Variants in DAAM2 observed in about 807,000 individuals in gnomAD.
DAAM2 encodes the protein dishevelled associated activator of morphogenesis 2, also known as disheveled-associated activator of morphogenesis 2.
A neutral mutation model predicts 120.7 loss-of-function variants in DAAM2; 39 were observed. That is an observed-to-expected ratio of 0.32 (90% CI 0.25 to 0.42). DAAM2 has a LOEUF of 0.42. DAAM2 is among the 10% of genes least tolerant of loss of function. The probability of loss-of-function intolerance (pLI) is 1.00; values close to 1 mark genes in which losing one functional copy is unlikely to be tolerated. For synonymous variants in DAAM2, 488 were observed against 524.9 expected, an observed-to-expected ratio of 0.93 and a Z score of 0.96; for missense variants, 1,283 against 1,401.7, an observed-to-expected ratio of 0.92 and a Z score of 1.35.
chr6:39,858,027 T>C (rs1764074723), intron 2 of DAAM2, among the ~76,000 whole-genome samples: 1 of 151,870 alleles, frequency 6.6e-6, no homozygotes, highest in Non-Finnish European at 1.5e-5. Flanking sequence ...GTGGCCTCTG[T>C]GAGCAGTGAC....
chr6:39,874,257 A>G (rs1242915819), intron 10 of DAAM2, among the ~76,000 whole-genome samples: 2 of 152,238 alleles, frequency 1.3e-5, no homozygotes, highest in East Asian at 1.9e-4. Context: ...GGGTTGAGAT[A>G]AAACATGTTC....
At chr6:39,840,048 G>GA (rs1395527358) in intron 1 of DAAM2, among the ~76,000 whole-genome samples, 1 of 152,122 alleles carries the variant, frequency 6.6e-6, no homozygotes, top group Non-Finnish European at 1.5e-5. Flanking sequence ...GCAACATGGT[G>GA]AAACCCTGTC....
Position 39,902,218 on chromosome 6 carries a change from CTCT to C in DAAM2, c.*183_*185del. On this transcript the variant is annotated 3_prime_UTR_variant, in exon 25 of 25. Transcript: ENST00000274867. ...TCCCCACGCTTACCTTAAGGGGCTCCTCTTATCTCCCCTTCACATGATTCCTTC... is the reference window on the plus strand; with the variant it reads ...TCCCCACGCTTACCTTAAGGGGCTCCTATCTCCCCTTCACATGATTCCTTC... 1 of 478,886 alleles carries C rather than the reference CTCT, an allele frequency of 2.1e-6. No homozygotes were observed. Among genetic ancestry groups the C allele is most frequent in the Non-Finnish European group, 3.7e-6 (1 of 273,764 alleles). 29.7% of individuals were successfully genotyped at this position (478,886 alleles called of 1,614,324 possible).
chr6:39,839,676 C>T (rs1763247132), intron 1 of DAAM2, among the ~76,000 whole-genome samples: 1 of 152,202 alleles, frequency 6.6e-6, no homozygotes, highest in Admixed American at 6.5e-5. Context: ...AAGCTTAGAG[C>T]ATGTGCAGGC....
intron 1 of DAAM2, among the ~76,000 whole-genome samples, chr6:39,805,981 A>G (rs1761999498): frequency 6.6e-6 from 1 of 152,176 alleles, no homozygotes; most frequent in Non-Finnish European, 1.5e-5. Flanking sequence ...CATAAATCAA[A>G]TGCCTCCTGA....
chr6:39,892,034 ACAACAGTG>A (rs1295871601), intron 19 of DAAM2, among the ~76,000 whole-genome samples: 3 of 152,194 alleles, frequency 2.0e-5, no homozygotes, highest in Non-Finnish European at 2.9e-5. Context: ...AGCCACACCT[ACAACAGTG>A]CCTGGCTGGG....
intron 1 of DAAM2, among the ~76,000 whole-genome samples, chr6:39,812,672 T>TCA (rs70984148): frequency 6.6e-6 from 1 of 151,386 alleles, no homozygotes; most frequent in Non-Finnish European, 1.5e-5. Flanking sequence ...GCTTTTGGAG[T>TCA]GCCTGTAACT....
At chr6:39,891,791 A>G in intron 19 of DAAM2, 69 bp downstream of exon 19, 1 of 1,257,796 alleles carries the variant, frequency 8.0e-7, no homozygotes, top group Non-Finnish European at 1.1e-6. Context: ...GGTGGGAGCC[A>G]GTGAATAGGG....
At chr6:39,847,476 C>T (rs569425502) in intron 1 of DAAM2, among the ~76,000 whole-genome samples, 2 of 152,214 alleles carry the variant, frequency 1.3e-5, no homozygotes, top group East Asian at 3.9e-4. Context: ...AGGGTGATTT[C>T]CCTTTGGCCA....
At chr6:39,849,096 A>G (rs188357990) in intron 1 of DAAM2, among the ~76,000 whole-genome samples, 3 of 152,274 alleles carry the variant, frequency 2.0e-5, no homozygotes, top group Admixed American at 2.0e-4. Context: ...AAATAATTGG[A>G]TATTGTCAGT....
intron 11 of DAAM2, among the ~76,000 whole-genome samples, chr6:39,876,775 T>G (rs187387791): frequency 6.6e-6 from 1 of 152,192 alleles, no homozygotes; most frequent in African/African-American, 2.4e-5. Flanking sequence ...GTGTGTGATA[T>G]TTGCCTTCTT....
intron 19 of DAAM2, 143 bp from the exon 20 acceptor site, chr6:39,896,669 A>T: frequency 1.7e-6 from 1 of 577,566 alleles, no homozygotes; most frequent in Non-Finnish European, 2.7e-6. Context: ...GCTGAGGAGT[A>T]GGTATAATCT....
chr6:39,893,742 T>A (rs1040148443), intron 19 of DAAM2, among the ~76,000 whole-genome samples: 1 of 152,220 alleles, frequency 6.6e-6, no homozygotes, highest in Non-Finnish European at 1.5e-5. Flanking sequence ...AGGAAAGATA[T>A]GCCTAAAGTT....
rs527543903 is a variant in DAAM2, at chr6:39,856,322, G to A, written c.20G>A (p.Ser7Asn). The change falls in exon 2 of 25, where the codon AGC (serine) becomes AAC (asparagine). Residue 7 changes from serine (S) to asparagine (N), a missense_variant. By Grantham distance (46) the Ser-to-Asn change is conservative. Around this residue, in one of 3 missense-constraint regions of DAAM2, gnomAD observed 197 missense variants for 189.3 expected, o/e 1.04. Coordinates refer to ENST00000274867, the MANE Select transcript of DAAM2 (RefSeq NM_001201427.2). ...GTGACCATGGCCCCCCGCAAGAGGA[G>A]CCACCATGGCCTGGGCTTCCTGTGC... MAPRKR[S>N]HHGLGFLCCF... 2.4e-5 allele frequency: 37 copies of A among 1,543,144 alleles called. No individual in the cohort carries two copies. The highest frequency in any genetic ancestry group is 1.7e-4 in the Middle Eastern group (1 of 5,854).
Position 39,903,573 on chromosome 6 carries a change from T to G in DAAM2, c.*1536T>G, listed in dbSNP as rs1455698428. 2.0e-5 allele frequency: 3 copies of G among 153,246 alleles called. No individual in the cohort carries two copies. Among genetic ancestry groups the G allele is most frequent in the African/African-American group, 7.2e-5 (3 of 41,452 alleles). 9.5% of individuals were successfully genotyped at this position (153,246 alleles called of 1,614,324 possible). A position where few individuals can be genotyped will look rare whatever the true frequency, so the allele number is the denominator to read the frequency against. ...TCTTTGAGACTGGCCCTGCCTAACC[T>G]CTACCATCAATGAGCTCTTGGCCCT... On this transcript the variant is annotated 3_prime_UTR_variant, in exon 25 of 25. Coordinates refer to ENST00000274867, the MANE Select transcript of DAAM2 (RefSeq NM_001201427.2).
Position 39,891,400 on chromosome 6 carries a change from A to G in DAAM2, c.2205A>G (p.Glu735=). Residue 735 remains glutamate (E), a synonymous_variant, in exon 18 of 25, where the codon GAA becomes GAG. Transcript: ENST00000274867. ...ACCTCCTGGAGGAGCACAAGCATGA[A>G]ATTGAGCGGATGGCCCGTGCTGACC... The part of the protein sequence containing the change: ...DIDLLEEHKH[E]IERMARADRF... 1 of 1,611,630 alleles carries G rather than the reference A, an allele frequency of 6.2e-7. No homozygotes were observed. The highest frequency in any genetic ancestry group is 1.1e-5 in the South Asian group (1 of 90,278).
At chr6:39,863,234 G>A (rs918706683) in intron 3 of DAAM2, among the ~76,000 whole-genome samples, 2 of 152,034 alleles carry the variant, frequency 1.3e-5, no homozygotes, top group Admixed American at 1.3e-4. Context: ...GAGCCAGCAA[G>A]TTTAGGAAAG....
Position 39,878,415 on chromosome 6 carries a change from C to A in DAAM2, c.1372C>A (p.Leu458Ile). Residue 458 changes from leucine (L) to isoleucine (I), a missense_variant, in exon 13 of 25, where the codon CTT becomes ATT. Physicochemically the swap from Leu to Ile is conservative, Grantham distance 5. This residue lies in a region of DAAM2 where 338 missense variants were observed against 443.9 expected (regional missense o/e 0.76). Transcript: ENST00000274867. This position sits in a 1 kb window ranked among gnomAD's most constrained non-coding sequence, Gnocchi z 5.0. ...CACCCCCATTCCAGAACACATGGAG[C>A]TTGTGAGCCGTCTGGAGAGGAAGGA... ...AEKFRKEHME[L>I]VSRLERKERE... 1 of 1,611,996 alleles carries A rather than the reference C, an allele frequency of 6.2e-7. No individual in the cohort carries two copies. Among genetic ancestry groups the A allele is most frequent in the Admixed American group, 1.7e-5 (1 of 59,714 alleles).
At chr6:39,837,663 C>CAAAAAAAAAAAAA (rs758751293) in intron 1 of DAAM2, among the ~76,000 whole-genome samples, 172 of 40,776 alleles carry the variant, frequency 4.2e-3, no homozygotes, top group Non-Finnish European at 4.6e-3. Flanking sequence ...AACTCCATCT[C>CAAAAAAAAAAAAA]AAAAAAAAAA....
Sources: allele counts gnomAD v4.1 joint callset (sites outside exome capture counted in the v4.1 genomes callset), GRCh38; gene constraint gnomAD v4.1.1; regional missense constraint gnomAD v4.1.1; non-coding constraint Gnocchi (gnomAD v3.1); transcripts MANE v1.5; gene names NCBI Gene and HGNC (gene_info 2026-07-23, HGNC 2026-07-21).